PTPRD: variants seen among roughly 807,000 people sequenced by gnomAD.
The protein encoded by PTPRD is protein tyrosine phosphatase receptor type D, also known as receptor-type tyrosine-protein phosphatase delta.
PTPRD carries 34 observed loss-of-function variants against 214.5 expected under a neutral mutation model. The observed-to-expected ratio is 0.16, with a 90% CI of 0.12 to 0.21. The LOEUF is 0.21. PTPRD is among the 10% of genes least tolerant of loss of function. PTPRD has a pLI of 1.00. For synonymous variants in PTPRD, 1,128 were observed against 845.7 expected (o/e 1.33, Z -5.79); for missense variants, 2,545 against 2,398.7 (o/e 1.06, Z -1.27).
At chr9:8,752,079 G>A (rs2093591632) in intron 11 of PTPRD, among the ~76,000 whole-genome samples, 1 of 152,160 alleles carries the variant, frequency 6.6e-6, no homozygotes, top group Non-Finnish European at 1.5e-5. Flanking sequence ...TGCCACCGCT[G>A]TCAGAGATGT....
intron 3 of PTPRD, among the ~76,000 whole-genome samples, chr9:10,216,501 T>A (rs138031343): frequency 6.6e-6 from 1 of 152,114 alleles, no homozygotes; most frequent in African/African-American, 2.4e-5. Context: ...TAAATTTATA[T>A]TTTGTATCAA....
intron 7 of PTPRD, among the ~76,000 whole-genome samples, chr9:9,657,355 A>G (rs1260420225): frequency 6.6e-6 from 1 of 152,128 alleles, no homozygotes; most frequent in African/African-American, 2.4e-5. Flanking sequence ...CACAAGAAGA[A>G]AAAAACAAAC....
intron 9 of PTPRD, among the ~76,000 whole-genome samples, chr9:9,295,710 A>T (rs993836229): frequency 6.6e-6 from 1 of 151,808 alleles, no homozygotes; most frequent in African/African-American, 2.4e-5. Context: ...GTAGAAAAAC[A>T]CTAGGTTTAC....
intron 3 of PTPRD, among the ~76,000 whole-genome samples, chr9:10,144,952 A>T (rs992520824): frequency 6.6e-6 from 1 of 152,074 alleles, no homozygotes; most frequent in Non-Finnish European, 1.5e-5. Flanking sequence ...AAAGTAGGTA[A>T]GACTTGCCGG....
At chr9:8,353,352 G>C (rs1405293000) in intron 39 of PTPRD, among the ~76,000 whole-genome samples, 1 of 152,226 alleles carries the variant, frequency 6.6e-6, no homozygotes, top group East Asian at 1.9e-4. Context: ...TATGGCTTCT[G>C]ATCCGGCTTC....
intron 7 of PTPRD, among the ~76,000 whole-genome samples, chr9:9,610,993 G>T (rs190166927): frequency 6.6e-6 from 1 of 152,268 alleles, no homozygotes; most frequent in African/African-American, 2.4e-5. Flanking sequence ...CACATTGATT[G>T]AATATGTAAT....
intron 9 of PTPRD, among the ~76,000 whole-genome samples, chr9:9,346,986 C>A (rs1003730156): frequency 1.4e-4 from 21 of 152,198 alleles, no homozygotes; most frequent in African/African-American, 5.1e-4. Context: ...AGCCATTGTG[C>A]CTGGCCAATT....
intron 3 of PTPRD, among the ~76,000 whole-genome samples, chr9:10,276,027 T>G (rs2094667805): frequency 1.3e-5 from 2 of 152,200 alleles, no homozygotes; most frequent in Non-Finnish European, 1.5e-5. Flanking sequence ...TCCCTTTCAG[T>G]TGGACCTTAG....
At chr9:9,934,369 T>A (rs989173415) in intron 5 of PTPRD, among the ~76,000 whole-genome samples, 35 of 147,978 alleles carry the variant, frequency 2.4e-4, no homozygotes, top group Admixed American at 2.4e-3. Flanking sequence ...ATCAAATAGA[T>A]GCAATAAAAA....
At chr9:9,943,876 C>G (rs1211217434) in intron 4 of PTPRD, among the ~76,000 whole-genome samples, 3 of 152,104 alleles carry the variant, frequency 2.0e-5, no homozygotes, top group African/African-American at 7.2e-5. Flanking sequence ...AGCCCCAGCT[C>G]TCATCCCAAT....
intron 8 of PTPRD, among the ~76,000 whole-genome samples, chr9:9,410,962 C>T (rs921546633): frequency 2.2e-4 from 33 of 152,044 alleles, no homozygotes; most frequent in Admixed American, 1.8e-3. Context: ...AGTGTGGGCG[C>T]GTGCCTGCCT....
At chr9:10,051,714 G>GACA (rs1415417568) in intron 3 of PTPRD, among the ~76,000 whole-genome samples, 13 of 151,866 alleles carry the variant, frequency 8.6e-5, no homozygotes, top group Non-Finnish European at 1.5e-5. Context: ...AAGGAATGGT[G>GACA]TATTGCTTCT....
At chr9:10,141,088 T>A (rs1248235188) in intron 3 of PTPRD, among the ~76,000 whole-genome samples, 4 of 152,090 alleles carry the variant, frequency 2.6e-5, no homozygotes, top group Admixed American at 2.0e-4. Context: ...TAGGTATTGA[T>A]GGGACGTATC....
At chr9:8,751,402 TAAA>T (rs200631771) in intron 11 of PTPRD, among the ~76,000 whole-genome samples, 10 of 96,620 alleles carry the variant, frequency 1.0e-4, no homozygotes, top group African/African-American at 4.2e-4. Context: ...TACACTCACT[TAAA>T]AAAAAAAAAG....
At chr9:9,394,532 A>AT (rs1201049377) in intron 9 of PTPRD, among the ~76,000 whole-genome samples, 3 of 152,082 alleles carry the variant, frequency 2.0e-5, no homozygotes, top group Non-Finnish European at 2.9e-5. Flanking sequence ...GCAATTTAAT[A>AT]TTTTTGTGCC....
chr9:9,056,331 C>T (rs1037755660), intron 10 of PTPRD, among the ~76,000 whole-genome samples: 1 of 152,052 alleles, frequency 6.6e-6, no homozygotes, highest in Admixed American at 6.6e-5. Flanking sequence ...AACCTGCATC[C>T]TCAAATGAAG....
chr9:10,030,416 T>G (rs1474030282), intron 4 of PTPRD, among the ~76,000 whole-genome samples: 1 of 152,184 alleles, frequency 6.6e-6, no homozygotes, highest in African/African-American at 2.4e-5. Context: ...ATCGAATAGA[T>G]ATGTTGATTT....
At chr9:8,694,752 A>C (rs1206331017) in intron 12 of PTPRD, among the ~76,000 whole-genome samples, 3 of 152,206 alleles carry the variant, frequency 2.0e-5, no homozygotes, top group Non-Finnish European at 4.4e-5. Flanking sequence ...GGGTGTTGGC[A>C]AATCTGTATA....
chr9:8,684,153 A>T (rs2097621645), intron 12 of PTPRD, among the ~76,000 whole-genome samples: 1 of 152,182 alleles, frequency 6.6e-6, no homozygotes, highest in African/African-American at 2.4e-5. Flanking sequence ...ATAGTAACAG[A>T]TGTCTTTTTA....
Sources: allele counts gnomAD v4.1 joint callset (sites outside exome capture counted in the v4.1 genomes callset), GRCh38; gene constraint gnomAD v4.1.1; transcripts MANE v1.5; gene names NCBI Gene and HGNC (gene_info 2026-07-23, HGNC 2026-07-21).